Variants in FUNDC2 observed in about 807,000 individuals in gnomAD.
FUNDC2 encodes the protein FUN14 domain-containing protein 2.
FUNDC2 carries 4 observed loss-of-function variants against 15.6 expected under a neutral mutation model. The observed-to-expected ratio is 0.26, with a 90% confidence interval of 0.13 to 0.59. The LOEUF is 0.59. Among genes scored for constraint, FUNDC2 ranks in the 20% least tolerant of loss-of-function variants. The pLI is 0.90. For missense variants in FUNDC2, 98 were observed against 149.7 expected, an observed-to-expected ratio of 0.65 and a Z score of 1.80; for synonymous variants, 44 against 56.9, an observed-to-expected ratio of 0.77 and a Z score of 1.02.
In FUNDC2 at chrX:155,056,934, C is replaced by T. The variant is rs951449146; in HGVS notation, c.*2262C>T. The T allele has an allele frequency of 9.1e-6, 1 of 110,239 alleles. No individual in the cohort carries two copies. Among genetic ancestry groups the T allele is most frequent in the African/African-American group, 3.3e-5 (1 of 30,481 alleles). 9.1% of individuals were successfully genotyped at this position (110,239 alleles called of 1,213,427 possible). On this transcript the variant is annotated 3_prime_UTR_variant, in exon 5 of 5. Transcript: ENST00000369498. ...TGGCCTCAGACTGTATTCTGATTGT[C>T]TGAATTAAGATCTGTAGGTAGGTCC...
At chrX:155,043,043 C>A (rs782156463) in intron 2 of FUNDC2, among the ~76,000 whole-genome samples, 2 of 111,275 alleles carry the variant, frequency 1.8e-5, no homozygotes, top group East Asian at 5.6e-4. Context: ...CTCAAGAGAT[C>A]CTCCCACCTC....
chrX:155,028,448 T>G (rs781860016), intron 1 of FUNDC2, among the ~76,000 whole-genome samples: 14 of 111,874 alleles, frequency 1.3e-4, no homozygotes, highest in Non-Finnish European at 2.4e-4. Flanking sequence ...TTGGTCAAAT[T>G]ACGTTAAAAC....
intron 3 of FUNDC2, among the ~76,000 whole-genome samples, chrX:155,048,497 G>A (rs1360051901): frequency 8.9e-6 from 1 of 112,097 alleles, no homozygotes; most frequent in Non-Finnish European, 1.9e-5. Context: ...TGTTCCACTG[G>A]TCAACTTTCG....
rs782643465 is a variant in FUNDC2 at position 155,055,385 on chromosome X, T to C, written c.*713T>C. 67 of 294,334 alleles carry C rather than the reference T, an allele frequency of 2.3e-4. No individual in the cohort carries two copies. The highest frequency in any genetic ancestry group is 1.6e-3 in the African/African-American group (57 of 36,057). 24.3% of individuals were successfully genotyped at this position (294,334 alleles called of 1,213,427 possible). ...AAGGTTTTAAGCTTTGAAATGTGAA[T>C]GAAATATCCTTATCAAAACATTAGG... On this transcript the variant is annotated 3_prime_UTR_variant, in exon 5 of 5. Transcript: ENST00000369498.
intron 2 of FUNDC2, among the ~76,000 whole-genome samples, chrX:155,044,458 G>A (rs782556666): frequency 8.9e-6 from 1 of 111,853 alleles, no homozygotes. Flanking sequence ...GGAAAACCAA[G>A]AGAGAATGGT....
chrX:155,047,461 G>A (rs782587407), intron 3 of FUNDC2: 6 of 339,472 alleles, frequency 1.8e-5, no homozygotes, highest in African/African-American at 1.6e-4. Flanking sequence ...CAAATGTATC[G>A]AAGAGGGAAG....
Position 155,048,990 on chromosome X carries a change from C to G in FUNDC2, c.360+2406C>G, listed in dbSNP as rs1325169117. The G allele has an allele frequency of 5.3e-5, 6 of 112,683 alleles. No homozygotes were observed. The Admixed American group carries it at 5.6e-4, about 11-fold the overall frequency. The allele number at this position is 112,683 out of a possible 1,213,427, so 9.3% of individuals were successfully genotyped here. A position where few individuals can be genotyped will look rare whatever the true frequency, so the allele number is the denominator to read the frequency against. On this transcript the variant is annotated intron_variant, in intron 3 of 4. Transcript: ENST00000369498. ...TGTCTGGGATTCTTTTGGGTTTTGT[C>G]TATAAAATCTTTTTATGCCATCTGT...
At chrX:155,039,455 G>C (rs1603438741) in intron 2 of FUNDC2, among the ~76,000 whole-genome samples, 1 of 111,935 alleles carries the variant, frequency 8.9e-6, no homozygotes. Flanking sequence ...CTTTCTCCCT[G>C]TTTTCTTCTA....
chrX:155,056,316 C>G lies in FUNDC2; in HGVS notation c.*1644C>G, dbSNP rs1557290914. ...CATTTTATCATATTTCAGTATGTAT[C>G]TCTAAAAGGTAAGAATTATTTCTAA... On this transcript the variant is annotated 3_prime_UTR_variant, in exon 5 of 5. Transcript: ENST00000369498. The G allele has an allele frequency of 9.0e-6, 1 of 111,409 alleles. No homozygotes were observed. The highest frequency in any genetic ancestry group is 3.3e-5 in the African/African-American group (1 of 30,622). The allele number at this position is 111,409 out of a possible 1,213,427, so 9.2% of individuals were successfully genotyped here.
At chrX:155,042,080 A>G (rs2073848360) in intron 2 of FUNDC2, among the ~76,000 whole-genome samples, 1 of 105,732 alleles carries the variant, frequency 9.5e-6, no homozygotes, top group South Asian at 4.0e-4. Context: ...AAAAAAAAAA[A>G]AAAAAAGAAA....
intron 2 of FUNDC2, among the ~76,000 whole-genome samples, chrX:155,037,384 TA>T (rs1441423730): frequency 2.7e-5 from 3 of 111,672 alleles, no homozygotes; most frequent in East Asian, 5.6e-4. Context: ...CACTCAGGGT[TA>T]TTTTTTTATT....
rs1569560288 is a variant in FUNDC2 at position 155,057,036 on chromosome X, TC to T, written c.*2365del. Reference sequence around the variant, plus strand: ...TTGAGGTCAGTATTGCAGGTTGGCCTCATCCTGCTAGTATGAGAACGGCTGT... The same window carrying T: ...TTGAGGTCAGTATTGCAGGTTGGCCTATCCTGCTAGTATGAGAACGGCTGT... On this transcript the variant is annotated 3_prime_UTR_variant, in exon 5 of 5. Coordinates refer to ENST00000369498, the MANE Select transcript of FUNDC2 (RefSeq NM_023934.4). The T allele has an allele frequency of 3.3e-4, 32 of 95,733 alleles. No homozygotes were observed. In the East Asian group the frequency reaches 8.3e-3, roughly 25 times the overall value. The allele number at this position is 95,733 out of a possible 1,213,427, so 7.9% of individuals were successfully genotyped here.
intron 4 of FUNDC2, 120 bp downstream of exon 4, chrX:155,051,921 AT>A: frequency 5.8e-6 from 4 of 695,293 alleles, no homozygotes; most frequent in Non-Finnish European, 8.4e-6. Flanking sequence ...ACTTAGAGTA[AT>A]GAGACAAAAC....
intron 2 of FUNDC2, among the ~76,000 whole-genome samples, chrX:155,041,648 C>T (rs782801899): frequency 4.5e-5 from 5 of 110,240 alleles, no homozygotes; most frequent in Non-Finnish European, 7.6e-5. Flanking sequence ...GCTTTTTTTT[C>T]AGTACATTAA....
At chrX:155,035,364 G>A (rs2073827606) in intron 2 of FUNDC2, among the ~76,000 whole-genome samples, 1 of 111,510 alleles carries the variant, frequency 9.0e-6, no homozygotes, top group African/African-American at 3.3e-5. Context: ...GAACATCTTG[G>A]CTATTTTCTT....
In FUNDC2 at chrX:155,057,234, T is replaced by TTTTG. The variant is rs2073909359; in HGVS notation, c.*2566_*2569dup. On this transcript the variant is annotated 3_prime_UTR_variant, in exon 5 of 5. Transcript: ENST00000369498. ...AATCAAGGCCCTATTGTGCCAGCAG[T>TTTTG]TTTGTTTCAGGTGGTGAAGTGGGAG... 9.0e-6 allele frequency: 1 copy of TTTTG among 111,654 alleles called. No individual in the cohort carries two copies. 9.2% of individuals were successfully genotyped at this position (111,654 alleles called of 1,213,427 possible). A position where few individuals can be genotyped will look rare whatever the true frequency, so the allele number is the denominator to read the frequency against.
At chrX:155,032,612 G>A (rs887723707) in intron 1 of FUNDC2, among the ~76,000 whole-genome samples, 27 of 110,790 alleles carry the variant, frequency 2.4e-4, no homozygotes, top group South Asian at 1.1e-3. Context: ...TTAATAAGTA[G>A]TACCTACCTT....
Position 155,055,610 on chromosome X carries a change from T to A in FUNDC2, c.*938T>A. On this transcript the variant is annotated 3_prime_UTR_variant, in exon 5 of 5. Transcript: ENST00000369498. ...ATGATGACCACAACCCTGAGAATTA[T>A]TCTTTAAAAGCTTACACACACACAC... The A allele has an allele frequency of 4.9e-6, 1 of 205,745 alleles. No individual in the cohort carries two copies. The highest frequency in any genetic ancestry group is 8.8e-6 in the Non-Finnish European group (1 of 113,189). 17.0% of individuals were successfully genotyped at this position (205,745 alleles called of 1,213,427 possible). A position where few individuals can be genotyped will look rare whatever the true frequency, so the allele number is the denominator to read the frequency against.
At chrX:155,038,851 C>CT (rs781787985) in intron 2 of FUNDC2, among the ~76,000 whole-genome samples, 1 of 112,417 alleles carries the variant, frequency 8.9e-6, no homozygotes, top group South Asian at 3.6e-4. Context: ...TATCCTTTGG[C>CT]TGTATACCCA....
Sources: gnomAD v4.1 joint callset for allele counts (sites outside exome capture counted in the v4.1 genomes callset) on GRCh38, gnomAD v4.1.1 for gene constraint, MANE v1.5 for transcripts, NCBI Gene and HGNC (gene_info 2026-07-23, HGNC 2026-07-21) for gene names.